TMPRSS6: variants seen among roughly 807,000 people sequenced by gnomAD.
TMPRSS6 encodes the protein transmembrane serine protease 6.
Under a neutral mutation model 101.5 loss-of-function variants are expected in TMPRSS6, and 67 were observed. The observed-to-expected ratio is 0.66, with a 90% confidence interval of 0.54 to 0.81. TMPRSS6 has a LOEUF of 0.81. Ranked by LOEUF, TMPRSS6 falls within the 30% of genes least tolerant of loss-of-function variation. The pLI, the probability that TMPRSS6 is intolerant of heterozygous loss-of-function variation, is 0.00. For synonymous variants in TMPRSS6, 453 were observed against 464.9 expected, an observed-to-expected ratio of 0.97 and a Z score of 0.33; for missense variants, 1,034 against 1,088.7, an observed-to-expected ratio of 0.95 and a Z score of 0.71.
chr22:37,082,115 G>A (rs1190288585), intron 10 of TMPRSS6, among the ~76,000 whole-genome samples: 3 of 152,172 alleles, frequency 2.0e-5, no homozygotes, highest in South Asian at 2.1e-4. Flanking sequence ...CCTTTGGCCT[G>A]CTGTTTGTGG....
intron 1 of TMPRSS6, among the ~76,000 whole-genome samples, chr22:37,105,380 C>T (rs984159577): frequency 6.6e-6 from 1 of 152,234 alleles, no homozygotes; most frequent in African/African-American, 2.4e-5. Context: ...ACGGGTGGGA[C>T]AGCCCCGCCC....
rs1930326433 is a variant in TMPRSS6 at position 37,101,719 on chromosome 22, G to A, written c.202+1497C>T. On this transcript the variant is annotated intron_variant, in intron 2 of 17. Transcript: ENST00000676104. The surrounding 1 kb of genome is among the most constrained non-coding windows in gnomAD (Gnocchi z 4.1). ...CTCAGCCCCATGGAGCACCTCTCCT[G>A]GGGTGGGGGGTGATTTACCCCAGGA... Among the ~76,000 whole-genome samples the A allele has an allele frequency of 6.6e-6, 1 of 152,144 alleles. No homozygotes were observed. Among genetic ancestry groups the A allele is most frequent in the Non-Finnish European group, 1.5e-5 (1 of 68,012 alleles).
At chr22:37,092,130 G>A (rs1453028348) in intron 6 of TMPRSS6, among the ~76,000 whole-genome samples, 2 of 147,934 alleles carry the variant, frequency 1.4e-5, no homozygotes, top group African/African-American at 5.1e-5. Flanking sequence ...GGAGAGGTGT[G>A]TGCTAACCTC....
At chr22:37,089,860 G>A in intron 6 of TMPRSS6, 78 bp from the exon 7 acceptor site, 1 of 1,467,158 alleles carries the variant, frequency 6.8e-7, no homozygotes, top group Non-Finnish European at 9.2e-7. Flanking sequence ...GGTCCCTCAA[G>A]GTCCTCCACC....
intron 7 of TMPRSS6, among the ~76,000 whole-genome samples, chr22:37,088,339 G>A (rs1928951089): frequency 2.0e-5 from 3 of 152,146 alleles, no homozygotes; most frequent in African/African-American, 7.2e-5. Context: ...ACCTCTGCCA[G>A]CTCACATTCA....
At position 37,069,351 on chromosome 22, in the gene TMPRSS6, T is replaced by A; in HGVS notation, c.1842-7A>T. 1 of 126,954 alleles carries A rather than the reference T, an allele frequency of 7.9e-6. No homozygotes were observed. The highest frequency in any genetic ancestry group is 1.4e-5 in the Non-Finnish European group (1 of 70,438). The allele number at this position is 126,954 out of a possible 1,614,324, so 7.9% of individuals were successfully genotyped here. A position where few individuals can be genotyped will look rare whatever the true frequency, so the allele number is the denominator to read the frequency against. On this transcript the variant is annotated splice_region_variant and splice_polypyrimidine_tract_variant and intron_variant, in intron 15 of 17. Transcript: ENST00000676104. The surrounding 1 kb of genome is among the most constrained non-coding windows in gnomAD (Gnocchi z 4.8). ...CAGCACCGTGGAGGCCATGCTGGGG[T>A]GGGGTGGGGTGGGGTGGGGTGGGGT...
In TMPRSS6 at chr22:37,096,735, C is replaced by T. The variant is rs2146157915; in HGVS notation, c.337-20G>A. 6.4e-7 allele frequency: 1 copy of T among 1,557,708 alleles called. No homozygotes were observed. Among genetic ancestry groups the T allele is most frequent in the South Asian group, 1.2e-5 (1 of 84,446 alleles). ...CTTGAGCTGTGAGAAGGGAAGACAA[C>T]AGCCCCTGGGACCCTCTGCAGGGCA... On this transcript the variant is annotated intron_variant, in intron 3 of 17. Transcript: ENST00000676104.
At position 37,103,750 on chromosome 22, in the gene TMPRSS6, G is replaced by T; in HGVS notation, c.-1-332C>A. ...CACCTCCCTAGAGGCTGCACCCACA[G>T]ACAGAACTGAAGTACATGGGGTGCA... On this transcript the variant is annotated intron_variant, in intron 1 of 17. Transcript: ENST00000676104. The surrounding 1 kb of genome is among the most constrained non-coding windows in gnomAD (Gnocchi z 4.4). The T allele has an allele frequency of 1.5e-6, 1 of 677,840 alleles. No homozygotes were observed. Among genetic ancestry groups the T allele is most frequent in the South Asian group, 1.7e-5 (1 of 59,214 alleles). 42.0% of individuals were successfully genotyped at this position (677,840 alleles called of 1,614,324 possible). A position where few individuals can be genotyped will look rare whatever the true frequency, so the allele number is the denominator to read the frequency against.
At chr22:37,092,487 A>G (rs1406687628) in intron 6 of TMPRSS6, among the ~76,000 whole-genome samples, 1 of 109,854 alleles carries the variant, frequency 9.1e-6, no homozygotes, top group African/African-American at 3.6e-5. Flanking sequence ...CTACAGGTGC[A>G]CACCACCATG....
At chr22:37,108,548 C>T (rs1394157528) in intron 1 of TMPRSS6, among the ~76,000 whole-genome samples, 1 of 152,210 alleles carries the variant, frequency 6.6e-6, no homozygotes, top group Non-Finnish European at 1.5e-5. Flanking sequence ...ATTGGAGGGT[C>T]TCGGGTCTGC....
intron 16 of TMPRSS6, chr22:37,068,591 A>T (rs773143485): frequency 1.3e-6 from 1 of 779,626 alleles, no homozygotes. Flanking sequence ...TCTTTGCTCC[A>T]GTCCTCTCTG....
intron 4 of TMPRSS6, 90 bp downstream of exon 4, chr22:37,096,558 A>G (rs1436600377): frequency 3.6e-6 from 5 of 1,378,616 alleles, no homozygotes; most frequent in Non-Finnish European, 4.0e-6. Context: ...TTGAAACATG[A>G]AGGCATTGCA....
chr22:37,077,374 G>A (rs1230923441), intron 10 of TMPRSS6, among the ~76,000 whole-genome samples: 1 of 152,192 alleles, frequency 6.6e-6, no homozygotes, highest in Non-Finnish European at 1.5e-5. Flanking sequence ...GCCTGGCCTA[G>A]ACTCTGGCAC....
intron 6 of TMPRSS6, among the ~76,000 whole-genome samples, chr22:37,094,321 A>C (rs371802651): frequency 6.6e-6 from 1 of 152,124 alleles, no homozygotes; most frequent in East Asian, 1.9e-4. Context: ...GACCTTAACC[A>C]GGTTTGTATC....
intron 2 of TMPRSS6, among the ~76,000 whole-genome samples, chr22:37,100,850 A>C (rs1426701982): frequency 6.6e-6 from 1 of 152,216 alleles, no homozygotes; most frequent in Non-Finnish European, 1.5e-5. Flanking sequence ...CAGCAGGGAC[A>C]CAGAAAAAGC....
Position 37,069,208 on chromosome 22 carries a change from C to A in TMPRSS6, c.1978G>T (p.Val660Leu), listed in dbSNP as rs754839456. The A allele has an allele frequency of 3.1e-6, 5 of 1,606,288 alleles. No homozygotes were observed. The East Asian group carries it at 9.0e-5, about 29-fold the overall frequency. The change falls in exon 16 of 18, where the codon GTG (valine) becomes TTG (leucine). Residue 660 changes from valine (V) to leucine (L), a missense_variant. By Grantham distance (32) the Val-to-Leu change is conservative. Coordinates refer to ENST00000676104, the MANE Select transcript of TMPRSS6 (RefSeq NM_001374504.1). This position sits in a 1 kb window ranked among gnomAD's most constrained non-coding sequence, Gnocchi z 4.8. ...YHEEDSHDYD[V>L]ALLQLDHPVV... is the part of the protein sequence containing the mutation. ...GGGTGGTCGAGCTGCAGCAGCGCCACGTCGTAGTCATGGCTGTCCTCTTCG... is the reference window on the plus strand; with the variant it reads ...GGGTGGTCGAGCTGCAGCAGCGCCAAGTCGTAGTCATGGCTGTCCTCTTCG...
At chr22:37,080,321 T>A (rs1264623914) in intron 10 of TMPRSS6, 1 of 152,304 alleles carries the variant, frequency 6.6e-6, no homozygotes, top group Non-Finnish European at 1.5e-5. Flanking sequence ...TGCCTAAGGA[T>A]GCTTAGTCCA....
chr22:37,085,792 C>A (rs1051017096), intron 8 of TMPRSS6, among the ~76,000 whole-genome samples: 2 of 152,240 alleles, frequency 1.3e-5, no homozygotes, highest in East Asian at 1.9e-4. Flanking sequence ...AAGCTCCCTG[C>A]GCCCTCTTGG....
intron 10 of TMPRSS6, among the ~76,000 whole-genome samples, chr22:37,078,991 AAGAAAG>A (rs1569006206): frequency 6.7e-6 from 1 of 149,172 alleles, no homozygotes; most frequent in Non-Finnish European, 1.5e-5. Context: ...GAAAGAAAGA[AAGAAAG>A]AAAGAAAGAA....
Sources: gnomAD v4.1 joint callset for allele counts (sites outside exome capture counted in the v4.1 genomes callset) on GRCh38, gnomAD v4.1.1 for gene constraint, Gnocchi (gnomAD v3.1) non-coding constraint, MANE v1.5 for transcripts, NCBI Gene and HGNC (gene_info 2026-07-23, HGNC 2026-07-21) for gene names.